MACROD2: variants seen among roughly 807,000 people sequenced by gnomAD.
The protein encoded by MACROD2 is ADP-ribose glycohydrolase MACROD2.
A neutral mutation model predicts 70.4 loss-of-function variants in MACROD2; 36 were observed. The ratio of observed to expected loss-of-function variants is 0.51; its 90% CI spans 0.39 to 0.68. The LOEUF is 0.68. Among genes scored for constraint, MACROD2 ranks in the 30% least tolerant of loss-of-function variants. The probability of loss-of-function intolerance (pLI) is 0.00; values close to 1 mark genes in which losing one functional copy is unlikely to be tolerated. For synonymous variants in MACROD2, 172 were observed against 178.8 expected (o/e 0.96, Z 0.30); for missense variants, 496 against 538.4 (o/e 0.92, Z 0.78).
intron 15 of MACROD2, among the ~76,000 whole-genome samples, chr20:16,025,454 CA>C (rs1200817354): frequency 9.9e-5 from 15 of 152,210 alleles, no homozygotes; most frequent in African/African-American, 3.4e-4. Flanking sequence ...GCAGTCAAGA[CA>C]AAAGCAATTT....
intron 3 of MACROD2, among the ~76,000 whole-genome samples, chr20:14,420,877 G>A (rs188902751): frequency 1.5e-4 from 23 of 152,206 alleles, no homozygotes; most frequent in African/African-American, 5.5e-4. Context: ...TTTTTGTGTA[G>A]AGGTGAGGTT....
In MACROD2 at chr20:15,502,536, A is replaced by C. The variant is rs147322444; in HGVS notation, c.645+2689A>C. Among the ~76,000 whole-genome samples, 410 of 152,248 alleles carry C rather than the reference A, an allele frequency of 2.7e-3. 2 individuals are homozygous for C. Among genetic ancestry groups the C allele is most frequent in the African/African-American group, 9.5e-3 (393 of 41,532 alleles). ...TAACACATATAATTCACCTTTTAAA[A>C]ACAAGCCTGGCTGCTCTTCCGAAAA... On this transcript the variant is annotated intron_variant, in intron 8 of 17. Coordinates refer to ENST00000684519, the MANE Select transcript of MACROD2 (RefSeq NM_001351661.2).
chr20:14,085,175 A>AAG (rs397815569), intron 2 of MACROD2, among the ~76,000 whole-genome samples: 8 of 150,572 alleles, frequency 5.3e-5, no homozygotes, highest in African/African-American at 2.0e-4. Context: ...CCAAAAAAAA[A>AAG]GGAAGTAGCA....
Position 14,114,687 on chromosome 20 carries a change from A to G in MACROD2, c.271+28959A>G, listed in dbSNP as rs1341224984. Among the ~76,000 whole-genome samples the G allele has an allele frequency of 2.0e-5, 3 of 152,162 alleles. No individual in the cohort carries two copies. The East Asian group carries it at 5.8e-4, about 29-fold the overall frequency. On this transcript the variant is annotated intron_variant, in intron 3 of 17. Coordinates refer to ENST00000684519, the MANE Select transcript of MACROD2 (RefSeq NM_001351661.2). The stretch of plus-strand genomic sequence containing the variant: ...GCACAAGATCAGTAAGACCTATGAT[A>G]TAACTCCAGGAAGGGACACGACGGA...
intron 3 of MACROD2, among the ~76,000 whole-genome samples, chr20:14,482,845 G>A (rs1362636095): frequency 2.0e-5 from 3 of 152,126 alleles, no homozygotes; most frequent in Non-Finnish European, 4.4e-5. Flanking sequence ...TATGGAACTT[G>A]GCTTCTCTTA....
chr20:15,579,475 A>G (rs1480666514), intron 8 of MACROD2, among the ~76,000 whole-genome samples: 1 of 152,222 alleles, frequency 6.6e-6, no homozygotes, highest in Non-Finnish European at 1.5e-5. Flanking sequence ...TTTGTCAAGC[A>G]GAATGAAATG....
At chr20:15,343,337 T>A (rs1388848672) in intron 6 of MACROD2, among the ~76,000 whole-genome samples, 1 of 152,216 alleles carries the variant, frequency 6.6e-6, no homozygotes, top group African/African-American at 2.4e-5. Context: ...AAAGATGGTG[T>A]CACTCTGATT....
intron 5 of MACROD2, among the ~76,000 whole-genome samples, chr20:14,890,995 C>CTCCT: frequency 6.8e-6 from 1 of 146,234 alleles, no homozygotes; most frequent in African/African-American, 2.5e-5. Flanking sequence ...TCCTTCCTCC[C>CTCCT]TCCCTCCCTC....
chr20:15,316,686 A>AC (rs1258117670), intron 6 of MACROD2, among the ~76,000 whole-genome samples: 1 of 152,098 alleles, frequency 6.6e-6, no homozygotes, highest in African/African-American at 2.4e-5. Context: ...AGCACCATAC[A>AC]CCAACTAGAC....
intron 8 of MACROD2, among the ~76,000 whole-genome samples, chr20:15,770,081 TTAATTTTC>T (rs1210716689): frequency 7.3e-6 from 1 of 137,280 alleles, no homozygotes; most frequent in African/African-American, 2.7e-5. Context: ...TTAATTTATT[TTAATTTTC>T]TTTTTTTTTT....
At chr20:14,075,315 G>A (rs748754413) in intron 2 of MACROD2, among the ~76,000 whole-genome samples, 7 of 152,144 alleles carry the variant, frequency 4.6e-5, no homozygotes, top group African/African-American at 7.2e-5. Flanking sequence ...CTTAGTTACC[G>A]TGGAAAAGAC....
chr20:15,893,312 G>C (rs774682324), intron 10 of MACROD2, among the ~76,000 whole-genome samples: 2 of 152,242 alleles, frequency 1.3e-5, no homozygotes, highest in Non-Finnish European at 2.9e-5. Flanking sequence ...TTGTGCAAAA[G>C]TGAAGGTCAA....
At chr20:14,716,004 G>A (rs1369092445) in intron 5 of MACROD2, among the ~76,000 whole-genome samples, 1 of 152,076 alleles carries the variant, frequency 6.6e-6, no homozygotes, top group African/African-American at 2.4e-5. Context: ...AACCTGCTCT[G>A]TTGCTATGAA....
At chr20:14,645,487 T>C (rs1182247038) in intron 4 of MACROD2, among the ~76,000 whole-genome samples, 1 of 152,066 alleles carries the variant, frequency 6.6e-6, no homozygotes, top group Non-Finnish European at 1.5e-5. Flanking sequence ...ATGTGTTTGC[T>C]TTTTCTAATT....
At chr20:14,687,663 C>T (rs970636444) in intron 5 of MACROD2, among the ~76,000 whole-genome samples, 8 of 152,056 alleles carry the variant, frequency 5.3e-5, no homozygotes, top group Non-Finnish European at 8.8e-5. Context: ...TCCTGAGAGC[C>T]GACAGATACT....
intron 3 of MACROD2, among the ~76,000 whole-genome samples, chr20:14,192,291 C>A (rs1041541973): frequency 2.6e-5 from 4 of 151,948 alleles, no homozygotes; most frequent in Non-Finnish European, 5.9e-5. Flanking sequence ...TCAGTTTTAT[C>A]TGTCTTTATA....
intron 3 of MACROD2, among the ~76,000 whole-genome samples, chr20:14,174,631 C>CA (rs1332312131): frequency 1.3e-5 from 2 of 152,228 alleles, no homozygotes; most frequent in African/African-American, 4.8e-5. Flanking sequence ...CATGCCTCCC[C>CA]ACCTGCCATG....
chr20:15,359,718 A>G (rs2078330018), intron 6 of MACROD2, among the ~76,000 whole-genome samples: 1 of 152,066 alleles, frequency 6.6e-6, no homozygotes, highest in Non-Finnish European at 1.5e-5. Flanking sequence ...ATTAAAAGAG[A>G]ATTTAATTTT....
At chr20:14,880,902 C>T (rs1227357553) in intron 5 of MACROD2, among the ~76,000 whole-genome samples, 1 of 152,106 alleles carries the variant, frequency 6.6e-6, no homozygotes, top group African/African-American at 2.4e-5. Context: ...GAGCTACTGC[C>T]GCCCAGCGTG....
Sources: gnomAD v4.1 joint callset for allele counts (sites outside exome capture counted in the v4.1 genomes callset) on GRCh38, gnomAD v4.1.1 for gene constraint, MANE v1.5 for transcripts, NCBI Gene and HGNC (gene_info 2026-07-23, HGNC 2026-07-21) for gene names.